Variants in TTK observed in about 807,000 individuals in gnomAD.
The protein encoded by TTK is TTK protein kinase, also known as dual specificity protein kinase TTK.
A neutral mutation model predicts 117.3 loss-of-function variants in TTK; 59 were observed. The ratio of observed to expected loss-of-function variants is 0.50; its 90% CI spans 0.41 to 0.62. The LOEUF is 0.62. Ranked by LOEUF, TTK falls within the 20% of genes least tolerant of loss-of-function variation. The pLI, the probability that TTK is intolerant of heterozygous loss-of-function variation, is 0.00. For synonymous variants in TTK, 302 were observed against 325.0 expected, an observed-to-expected ratio of 0.93 and a Z score of 0.76; for missense variants, 921 against 989.4, an observed-to-expected ratio of 0.93 and a Z score of 0.93.
chr6:80,034,711 T>G (rs1033031228), intron 14 of TTK, among the ~76,000 whole-genome samples: 4 of 152,174 alleles, frequency 2.6e-5, no homozygotes, highest in Non-Finnish European at 4.4e-5. Flanking sequence ...ATATCTGAAG[T>G]TTAAACTTTT....
At chr6:80,040,328 C>T (rs1474200935) in intron 20 of TTK, 48 bp downstream of exon 20, 1 of 1,415,212 alleles carries the variant, frequency 7.1e-7, no homozygotes, top group African/African-American at 1.5e-5. Flanking sequence ...GTAGTATAAA[C>T]AGTCTGTTAC....
intron 18 of TTK, among the ~76,000 whole-genome samples, 165 bp downstream of exon 18, chr6:80,038,212 C>T (rs537094360): frequency 6.6e-6 from 1 of 152,204 alleles, no homozygotes; most frequent in East Asian, 1.9e-4. Context: ...TATTTTTCAC[C>T]ACTTATTCGT....
chr6:80,023,703 A>G (rs1454678989), intron 11 of TTK, among the ~76,000 whole-genome samples: 1 of 152,240 alleles, frequency 6.6e-6, no homozygotes, highest in Non-Finnish European at 1.5e-5. Context: ...GAAGAGTAGC[A>G]CTGTGTTAGA....
In TTK at chr6:80,035,369, A is replaced by G; in HGVS notation, c.1876A>G (p.Ser626Gly). The change falls in exon 16 of 22, where the codon AGT (serine) becomes GGT (glycine). Residue 626 changes from serine to glycine, a missense_variant. Physicochemically the swap from Ser to Gly is moderately conservative, Grantham distance 56. Coordinates refer to ENST00000369798, the MANE Select transcript of TTK (RefSeq NM_003318.5). ...KKSIDPWERK[S>G]YWKNMLEAVH... is the part of the protein sequence containing the mutation. ...ATCCATTGATCCATGGGAACGCAAG[A>G]GTTACTGGAAAAATATGTTAGAGGC... 6.2e-7 allele frequency: 1 copy of G among 1,611,502 alleles called. No individual in the cohort carries two copies. The highest frequency in any genetic ancestry group is 8.5e-7 in the Non-Finnish European group (1 of 1,179,002).
chr6:80,033,530 C>A (rs1029349130), intron 14 of TTK, among the ~76,000 whole-genome samples: 4 of 152,148 alleles, frequency 2.6e-5, no homozygotes, highest in African/African-American at 9.7e-5. Flanking sequence ...GTGATATTAG[C>A]CCCTGCATCC....
chr6:80,026,248 C>T (rs956104727), intron 11 of TTK, 130 bp from the exon 12 acceptor site: 1 of 915,160 alleles, frequency 1.1e-6, no homozygotes, highest in Non-Finnish European at 1.6e-6. Context: ...ATATATATGC[C>T]TATCTCTTTT....
Position 80,014,388 on chromosome 6 carries a change from T to C in TTK, c.985-75T>C, listed in dbSNP as rs139240825. The C allele has an allele frequency of 2.3e-3, 3,045 of 1,350,878 alleles. 5 individuals are homozygous for C. Among genetic ancestry groups the C allele is most frequent in the Non-Finnish European group, 2.5e-3 (2,554 of 1,012,870 alleles). The allele number at this position is 1,350,878 out of a possible 1,614,324, so 83.7% of individuals were successfully genotyped here. A position where few individuals can be genotyped will look rare whatever the true frequency, so the allele number is the denominator to read the frequency against. On this transcript the variant is annotated intron_variant, in intron 9 of 21. Transcript: ENST00000369798. ...AGCAATCCATGTATAGATAAGACTT[T>C]AGTATATTGAACAGTAAGACAGATT... is the stretch of plus-strand genomic sequence containing the variant.
intron 1 of TTK, among the ~76,000 whole-genome samples, chr6:80,005,194 A>C (rs2127713337): frequency 6.6e-6 from 1 of 151,740 alleles, no homozygotes; most frequent in East Asian, 1.9e-4. Flanking sequence ...GAGAGTCACA[A>C]AGATACGATT....
chr6:80,042,211 T>G lies in TTK; in HGVS notation c.*9T>G, dbSNP rs1250797411. The G allele has an allele frequency of 3.8e-6, 6 of 1,582,442 alleles. No homozygotes were observed. Among genetic ancestry groups the G allele is most frequent in the Middle Eastern group, 1.7e-4 (1 of 5,922 alleles). ...AAAGGGGAAAAAAATGATTTGCAGT[T>G]ATTCGTAATGTCAGATACCACCTAT... On this transcript the variant is annotated 3_prime_UTR_variant, in exon 22 of 22. Transcript: ENST00000369798.
At chr6:80,018,160 G>T (rs939509358) in intron 10 of TTK, among the ~76,000 whole-genome samples, 2 of 151,132 alleles carry the variant, frequency 1.3e-5, no homozygotes, top group Admixed American at 1.3e-4. Context: ...TCCAGCCTGG[G>T]TGACAGAAGA....
intron 21 of TTK, among the ~76,000 whole-genome samples, chr6:80,041,839 TAAAG>T (rs1768055785): frequency 6.6e-6 from 1 of 151,614 alleles, no homozygotes. Flanking sequence ...AGTAAAGAGA[TAAAG>T]AAGGCCTTGA....
chr6:80,015,955 T>G (rs1767295952), intron 10 of TTK, among the ~76,000 whole-genome samples: 2 of 152,314 alleles, frequency 1.3e-5, no homozygotes, highest in South Asian at 2.1e-4. Context: ...TCCTTCCAGA[T>G]GTAATCATTA....
At chr6:80,011,336 C>A (rs964059239) in intron 5 of TTK, 98 bp from the exon 6 acceptor site, 4 of 794,610 alleles carry the variant, frequency 5.0e-6, no homozygotes, top group Admixed American at 3.5e-5. Flanking sequence ...CAAGTATTTC[C>A]TATGAATTGA....
At chr6:80,013,422 G>T in intron 9 of TTK, 56 bp downstream of exon 9, 1 of 1,397,404 alleles carries the variant, frequency 7.2e-7, no homozygotes, top group Non-Finnish European at 9.9e-7. Context: ...GGGAGGATCA[G>T]TATTCATGGA....
intron 2 of TTK, among the ~76,000 whole-genome samples, chr6:80,006,748 T>G (rs1767004516): frequency 6.6e-6 from 1 of 152,150 alleles, no homozygotes; most frequent in Non-Finnish European, 1.5e-5. Flanking sequence ...GTGTGTTTTT[T>G]AGACATTTCA....
intron 4 of TTK, among the ~76,000 whole-genome samples, chr6:80,008,937 G>GTGTGTGTGTGTGTAC (rs1419256003): frequency 7.9e-6 from 1 of 126,776 alleles, no homozygotes; most frequent in Admixed American, 7.8e-5. Flanking sequence ...ATCTGTGTGT[G>GTGTGTGTGTGTGTAC]TGTGTGTGTG....
intron 17 of TTK, 29 bp from the exon 18 acceptor site, chr6:80,037,937 GA>G: frequency 7.1e-7 from 1 of 1,409,186 alleles, no homozygotes; most frequent in Non-Finnish European, 9.5e-7. Flanking sequence ...TATTTTCATT[GA>G]TTTGTGTTTT....
At position 80,013,284 on chromosome 6, in the gene TTK, C is replaced by T. The variant is rs770654454; in HGVS notation, c.902C>T (p.Thr301Ile). ...SVVPCFMKRQ[T>I]SRSECRDLVV... ...TTTTGTTTCACGGGTAAAAGACAAACCTCTAGATCAGAATGCCGAGATTTG... is the reference window on the plus strand; with the variant it reads ...TTTTGTTTCACGGGTAAAAGACAAATCTCTAGATCAGAATGCCGAGATTTG... Residue 301 changes from threonine to isoleucine, a missense_variant, in exon 9 of 22, where the codon ACC becomes ATC. Thr to Ile is a moderately conservative substitution (Grantham distance 89). Transcript: ENST00000369798. The T allele has an allele frequency of 6.3e-7, 1 of 1,594,744 alleles. No individual in the cohort carries two copies. The highest frequency in any genetic ancestry group is 1.1e-5 in the South Asian group (1 of 87,070).
chr6:80,010,998 T>C, intron 5 of TTK, 41 bp downstream of exon 5: 1 of 1,552,428 alleles, frequency 6.4e-7, no homozygotes, highest in Non-Finnish European at 8.7e-7. Context: ...TGGTAGGTAG[T>C]ACTTCAAATA....
Sources: gnomAD v4.1 joint callset for allele counts (sites outside exome capture counted in the v4.1 genomes callset) on GRCh38, gnomAD v4.1.1 for gene constraint, MANE v1.5 for transcripts, NCBI Gene and HGNC (gene_info 2026-07-23, HGNC 2026-07-21) for gene names.